ZFPM2: variants seen among roughly 807,000 people sequenced by gnomAD.
ZFPM2 encodes zinc finger protein ZFPM2.
ZFPM2 carries 20 observed loss-of-function variants against 98.6 expected under a neutral mutation model. The ratio of observed to expected loss-of-function variants is 0.20; its 90% CI spans 0.14 to 0.29. The LOEUF (loss-of-function observed/expected upper bound fraction) is 0.29, where lower values mean the gene tolerates loss of function less well. Among genes scored for constraint, ZFPM2 ranks in the 10% least tolerant of loss-of-function variants. ZFPM2 has a pLI of 1.00. For missense variants in ZFPM2, 1,310 were observed against 1,388.6 expected, an observed-to-expected ratio of 0.94 and a Z score of 0.90; for synonymous variants, 518 against 502.7, an observed-to-expected ratio of 1.03 and a Z score of -0.41.
chr8:105,394,940 G>A lies in ZFPM2; in HGVS notation c.41-24204G>A, dbSNP rs550377825. The stretch of plus-strand genomic sequence containing the variant: ...GGTTCCTTTGATTCTCTGGAATCGT[G>A]TATGTGTCAAACAGTCTTTTCTGGT... On this transcript the variant is annotated intron_variant, in intron 1 of 7. Transcript: ENST00000407775. Among the ~76,000 whole-genome samples, 12 of 152,312 alleles carry A rather than the reference G, an allele frequency of 7.9e-5. No individual in the cohort carries two copies. The East Asian group carries it at 9.6e-4, about 12-fold the overall frequency.
Position 105,781,563 on chromosome 8 carries a change from A to T in ZFPM2, c.533-7155A>T, listed in dbSNP as rs113981932. Among the ~76,000 whole-genome samples, 600 of 152,196 alleles carry T rather than the reference A, an allele frequency of 3.9e-3. 5 individuals are homozygous for T. The highest frequency in any genetic ancestry group is 0.013 in the African/African-American group (523 of 41,522). On this transcript the variant is annotated intron_variant, in intron 5 of 7. Coordinates refer to ENST00000407775, the MANE Select transcript of ZFPM2 (RefSeq NM_012082.4). Reference sequence around the variant, plus strand: ...TGGCAAAACCCCATCTCTACTAAAAATACAAAAGTTAGCTGGGAGTGGTAG... The same window carrying T: ...TGGCAAAACCCCATCTCTACTAAAATTACAAAAGTTAGCTGGGAGTGGTAG...
chr8:105,424,946 A>G (rs1270735537), intron 2 of ZFPM2, among the ~76,000 whole-genome samples: 2 of 152,234 alleles, frequency 1.3e-5, no homozygotes, highest in African/African-American at 4.8e-5. Flanking sequence ...GGTAGAGTGT[A>G]ATAGTGTGCA....
chr8:105,518,635 G>A (rs1454706305), intron 3 of ZFPM2, among the ~76,000 whole-genome samples: 3 of 152,218 alleles, frequency 2.0e-5, no homozygotes, highest in Non-Finnish European at 4.4e-5. Flanking sequence ...GGCCTGAAAG[G>A]AGGTGTTTTC....
intron 1 of ZFPM2, among the ~76,000 whole-genome samples, chr8:105,380,735 A>G (rs1267814350): frequency 4.5e-5 from 2 of 44,346 alleles, no homozygotes; most frequent in Non-Finnish European, 7.0e-5. Context: ...TAACATATAT[A>G]TTATATATAT....
intron 5 of ZFPM2, among the ~76,000 whole-genome samples, chr8:105,687,608 A>T (rs1479814932): frequency 6.6e-6 from 1 of 152,186 alleles, no homozygotes. Context: ...TGTGTAACTG[A>T]TAACAAAACC....
intron 1 of ZFPM2, among the ~76,000 whole-genome samples, chr8:105,334,645 A>G (rs957753525): frequency 3.3e-5 from 5 of 151,592 alleles, no homozygotes; most frequent in African/African-American, 1.2e-4. Flanking sequence ...GTTATACAAA[A>G]AGTTTATCTC....
chr8:105,400,256 T>G (rs1811311246), intron 1 of ZFPM2, among the ~76,000 whole-genome samples: 3 of 151,904 alleles, frequency 2.0e-5, no homozygotes, highest in African/African-American at 7.2e-5. Context: ...TTTTTTATTT[T>G]TATTTATTTT....
At chr8:105,607,563 G>T (rs1816221217) in intron 4 of ZFPM2, among the ~76,000 whole-genome samples, 1 of 152,028 alleles carries the variant, frequency 6.6e-6, no homozygotes, top group Admixed American at 6.6e-5. Context: ...GTGGCAAGAA[G>T]TATAACTCCA....
rs778237339 is a variant in ZFPM2 at position 105,802,013 on chromosome 8, A to C, written c.1931A>C (p.Lys644Thr). Residue 644 changes from lysine to threonine, a missense_variant, in exon 8 of 8, where the codon AAG (lysine) becomes ACG (threonine). By Grantham distance (78) the Lys-to-Thr change is moderately conservative (BLOSUM62 -1). Coordinates refer to ENST00000407775, the MANE Select transcript of ZFPM2 (RefSeq NM_012082.4). ...LIGPNGKGHD[K>T]DFSTQTKKLS... is the part of the protein sequence containing the mutation. ...GGGCCAAATGGGAAGGGCCATGACA[A>C]GGACTTTTCCACTCAAACTAAGAAG... The C allele has an allele frequency of 1.9e-6, 3 of 1,613,818 alleles. No individual in the cohort carries two copies. The highest frequency in any genetic ancestry group is 1.7e-5 in the Admixed American group (1 of 60,018).
chr8:105,534,535 A>T (rs890804384), intron 3 of ZFPM2, among the ~76,000 whole-genome samples: 1 of 150,978 alleles, frequency 6.6e-6, no homozygotes, highest in African/African-American at 2.4e-5. Flanking sequence ...CCCAATTAAA[A>T]GGTAAGTTCT....
intron 4 of ZFPM2, among the ~76,000 whole-genome samples, chr8:105,598,414 T>C (rs1403112697): frequency 1.3e-5 from 2 of 152,174 alleles, no homozygotes; most frequent in Admixed American, 6.6e-5. Context: ...CATGAATGCA[T>C]TTTAAACTTA....
chr8:105,570,686 C>G (rs1815336096), intron 4 of ZFPM2, among the ~76,000 whole-genome samples: 1 of 152,186 alleles, frequency 6.6e-6, no homozygotes, highest in African/African-American at 2.4e-5. Context: ...CTCATCCTGA[C>G]TTACTTTTTC....
intron 5 of ZFPM2, among the ~76,000 whole-genome samples, chr8:105,691,382 G>A (rs140484520): frequency 0.03 from 4,289 of 142,372 alleles, 301 homozygotes; most frequent in Admixed American, 0.042. Flanking sequence ...CCGAGTAGCC[G>A]GGACTACGGG....
chr8:105,484,996 A>G (rs1361174326), intron 3 of ZFPM2, among the ~76,000 whole-genome samples: 12 of 152,232 alleles, frequency 7.9e-5, no homozygotes, highest in South Asian at 2.1e-4. Context: ...TAGTGGGCCA[A>G]TGCTGACATT....
At chr8:105,762,328 CT>C in intron 5 of ZFPM2, among the ~76,000 whole-genome samples, 1 of 152,026 alleles carries the variant, frequency 6.6e-6, no homozygotes, top group South Asian at 2.1e-4. Context: ...TGACAGCACA[CT>C]GAATTTTTTG....
chr8:105,633,349 G>T (rs148287163), intron 4 of ZFPM2, among the ~76,000 whole-genome samples: 16 of 152,264 alleles, frequency 1.1e-4, no homozygotes, highest in African/African-American at 3.4e-4. Flanking sequence ...ACAGAACATG[G>T]ACTGGAGAAC....
chr8:105,463,853 G>A (rs529898002), intron 3 of ZFPM2, among the ~76,000 whole-genome samples: 2 of 151,908 alleles, frequency 1.3e-5, no homozygotes, highest in South Asian at 2.1e-4. Context: ...ACCTCTTAGC[G>A]TCTACACTTA....
chr8:105,769,501 C>T (rs1812935873), intron 5 of ZFPM2, among the ~76,000 whole-genome samples: 1 of 151,996 alleles, frequency 6.6e-6, no homozygotes, highest in African/African-American at 2.4e-5. Flanking sequence ...AGACTTCCCA[C>T]TCTTCTCTGA....
chr8:105,349,814 GTATAGA>G (rs1164760017), intron 1 of ZFPM2, among the ~76,000 whole-genome samples: 1 of 152,110 alleles, frequency 6.6e-6, no homozygotes, highest in East Asian at 1.9e-4. Flanking sequence ...TGTAATCATA[GTATAGA>G]TATAATTTCA....
Sources: allele counts gnomAD v4.1 joint callset (sites outside exome capture counted in the v4.1 genomes callset), GRCh38; gene constraint gnomAD v4.1.1; transcripts MANE v1.5; gene names NCBI Gene and HGNC (gene_info 2026-07-23, HGNC 2026-07-21).